GRIN2B: variants seen among roughly 807,000 people sequenced by gnomAD.
The protein encoded by GRIN2B is glutamate ionotropic receptor NMDA type subunit 2B.
GRIN2B carries 5 observed loss-of-function variants against 114.5 expected under a neutral mutation model. The observed-to-expected ratio is 0.04, with a 90% CI of 0.02 to 0.09. The LOEUF is 0.09. GRIN2B is among the 10% of genes least tolerant of loss of function. The pLI is 1.00. For synonymous variants in GRIN2B, 787 were observed against 745.1 expected, an observed-to-expected ratio of 1.06 and a Z score of -0.92; for missense variants, 1,108 against 1,943.5, an observed-to-expected ratio of 0.57 and a Z score of 8.08.
At chr12:13,638,740 G>A (rs1949686763) in intron 5 of GRIN2B, among the ~76,000 whole-genome samples, 1 of 152,096 alleles carries the variant, frequency 6.6e-6, no homozygotes, top group Admixed American at 6.6e-5. Flanking sequence ...GGAAAATAAG[G>A]TTGGCGGAAG....
intron 2 of GRIN2B, among the ~76,000 whole-genome samples, chr12:13,932,986 T>TGCGC (rs763294873): frequency 2.4e-4 from 35 of 148,410 alleles, no homozygotes; most frequent in African/African-American, 6.8e-4. Context: ...TGTGTGTGTG[T>TGCGC]GCGTGTGCGT....
At chr12:13,577,730 C>T (rs1050345192) in intron 10 of GRIN2B, among the ~76,000 whole-genome samples, 10 of 152,154 alleles carry the variant, frequency 6.6e-5, no homozygotes, top group African/African-American at 2.4e-4. Flanking sequence ...AATTAAAATA[C>T]ATCCATTCAT....
At chr12:13,980,582 T>G (rs1863113567) in intron 1 of GRIN2B, among the ~76,000 whole-genome samples, 11 of 143,384 alleles carry the variant, frequency 7.7e-5, no homozygotes, top group Admixed American at 3.5e-4. Context: ...GGATGAGAGG[T>G]GGGAAAGCCA....
chr12:13,773,903 G>T (rs1427247538), intron 3 of GRIN2B, among the ~76,000 whole-genome samples: 1 of 152,156 alleles, frequency 6.6e-6, no homozygotes, highest in Non-Finnish European at 1.5e-5. Context: ...TAGAACAGAG[G>T]TCCTGCCTTG....
intron 5 of GRIN2B, among the ~76,000 whole-genome samples, chr12:13,640,898 C>G (rs1269243336): frequency 6.6e-6 from 1 of 151,980 alleles, no homozygotes; most frequent in Non-Finnish European, 1.5e-5. Context: ...AATTTGTGAG[C>G]AATAGTAACC....
At chr12:13,893,761 A>C (rs139447909) in intron 2 of GRIN2B, among the ~76,000 whole-genome samples, 21 of 152,282 alleles carry the variant, frequency 1.4e-4, no homozygotes, top group African/African-American at 4.3e-4. Flanking sequence ...GATTTCGAAG[A>C]ACTGATACAG....
intron 5 of GRIN2B, among the ~76,000 whole-genome samples, chr12:13,658,998 A>G (rs1335148647): frequency 6.6e-6 from 1 of 152,012 alleles, no homozygotes; most frequent in African/African-American, 2.4e-5. Context: ...CCTGTAGCCC[A>G]TGTCCTTGGT....
At position 13,560,617 on chromosome 12, in the gene GRIN2B, G is replaced by C. The variant is rs566990468; in HGVS notation, c.*2166C>G. 2 of 152,344 alleles carry C rather than the reference G, an allele frequency of 1.3e-5. No homozygotes were observed. Among genetic ancestry groups the C allele is most frequent in the South Asian group, 4.1e-4 (2 of 4,824 alleles). 9.4% of individuals were successfully genotyped at this position (152,344 alleles called of 1,614,324 possible). A position where few individuals can be genotyped will look rare whatever the true frequency, so the allele number is the denominator to read the frequency against. On this transcript the variant is annotated 3_prime_UTR_variant, in exon 14 of 14. Transcript: ENST00000609686. ...GTGGCCCTTCGCCTTCTTCCTCCTG[G>C]AGGTGCCTCATGCCCTCTGTCCTCT...
At chr12:13,900,959 A>G (rs894535098) in intron 2 of GRIN2B, among the ~76,000 whole-genome samples, 1 of 152,156 alleles carries the variant, frequency 6.6e-6, no homozygotes, top group Non-Finnish European at 1.5e-5. Context: ...CTTTGGGTTG[A>G]TTCCAACTTG....
At chr12:13,900,492 A>G (rs1866428498) in intron 2 of GRIN2B, among the ~76,000 whole-genome samples, 1 of 152,020 alleles carries the variant, frequency 6.6e-6, no homozygotes, top group Non-Finnish European at 1.5e-5. Context: ...AAAAAAAGTT[A>G]ATAAAACATT....
chr12:13,574,257 GAGAC>G (rs889136924), intron 10 of GRIN2B, among the ~76,000 whole-genome samples: 1 of 152,198 alleles, frequency 6.6e-6, no homozygotes, highest in African/African-American at 2.4e-5. Context: ...TTTATTGGAA[GAGAC>G]AGACACCAGA....
chr12:13,640,308 A>C (rs756947958), intron 5 of GRIN2B, among the ~76,000 whole-genome samples: 6 of 152,056 alleles, frequency 3.9e-5, no homozygotes, highest in Non-Finnish European at 4.4e-5. Context: ...GTAGATCTGA[A>C]TATTAAATGA....
chr12:13,749,601 G>A (rs953182760), intron 4 of GRIN2B, among the ~76,000 whole-genome samples: 1 of 152,230 alleles, frequency 6.6e-6, no homozygotes, highest in Non-Finnish European at 1.5e-5. Context: ...ATTTCCTGCT[G>A]TGGCTAAATG....
intron 3 of GRIN2B, among the ~76,000 whole-genome samples, chr12:13,804,501 T>A (rs1864569268): frequency 6.6e-6 from 1 of 152,150 alleles, no homozygotes; most frequent in Admixed American, 6.6e-5. Flanking sequence ...CCTTCATTTT[T>A]AAAAATTATA....
chr12:13,564,726 A>T lies in GRIN2B; in HGVS notation c.2599-87T>A, dbSNP rs1948615700. On this transcript the variant is annotated intron_variant, in intron 13 of 13. Coordinates refer to ENST00000609686, the MANE Select transcript of GRIN2B (RefSeq NM_000834.5). The surrounding 1 kb of genome is among the most constrained non-coding windows in gnomAD (Gnocchi z 4.8). Reference sequence around the variant, plus strand: ...CACTCTCCCACCAATAATTGCTCCAACTGGATAAGAAAAAGGGAAAGCATG... The same window carrying T: ...CACTCTCCCACCAATAATTGCTCCATCTGGATAAGAAAAAGGGAAAGCATG... 1.4e-5 allele frequency: 16 copies of T among 1,144,760 alleles called. No homozygotes were observed. Among genetic ancestry groups the T allele is most frequent in the Non-Finnish European group, 1.8e-5 (14 of 761,072 alleles). The allele number at this position is 1,144,760 out of a possible 1,614,324, so 70.9% of individuals were successfully genotyped here.
In GRIN2B at chr12:13,571,864, G is replaced by T; in HGVS notation, c.2111C>A (p.Ala704Asp). Residue 704 changes from alanine (A) to aspartate (D), a missense_variant, in exon 11 of 14, where the codon GCC (alanine) becomes GAC (aspartate). Transcript: ENST00000609686. ...NIRNNYAEMH[A>D]YMGKFNQRGV... ...CCTCTGGTTGAACTTTCCCATGTAG[G>T]CATGCATTTCTGCATAGTTATTGCG... 1 of 1,613,806 alleles carries T rather than the reference G, an allele frequency of 6.2e-7. No homozygotes were observed. The highest frequency in any genetic ancestry group is 2.2e-5 in the East Asian group (1 of 44,884).
intron 3 of GRIN2B, among the ~76,000 whole-genome samples, chr12:13,807,255 G>A (rs1864618760): frequency 6.6e-6 from 1 of 152,144 alleles, no homozygotes; most frequent in South Asian, 2.1e-4. Flanking sequence ...GGCTGTATGA[G>A]TCTAAGTGAC....
intron 3 of GRIN2B, among the ~76,000 whole-genome samples, chr12:13,857,412 C>A (rs1565564525): frequency 6.6e-6 from 1 of 152,056 alleles, no homozygotes; most frequent in Non-Finnish European, 1.5e-5. Flanking sequence ...CTCACACACA[C>A]CAGTTATTAT....
intron 5 of GRIN2B, among the ~76,000 whole-genome samples, chr12:13,637,656 C>A (rs1949677894): frequency 6.6e-6 from 1 of 152,088 alleles, no homozygotes; most frequent in Admixed American, 6.6e-5. Flanking sequence ...CCTAAGCTAA[C>A]AAATTATTAT....
Sources: gnomAD v4.1 joint callset for allele counts (sites outside exome capture counted in the v4.1 genomes callset) on GRCh38, gnomAD v4.1.1 for gene constraint, Gnocchi (gnomAD v3.1) non-coding constraint, MANE v1.5 for transcripts, NCBI Gene and HGNC (gene_info 2026-07-23, HGNC 2026-07-21) for gene names.